UTP14C: variants seen among roughly 807,000 people sequenced by gnomAD.
UTP14C encodes U3 small nucleolar RNA-associated protein 14 homolog C.
Under a neutral mutation model 14.6 loss-of-function variants are expected in UTP14C, and 10 were observed. The ratio of observed to expected loss-of-function variants is 0.68; its 90% CI spans 0.42 to 1.16. The LOEUF is 1.16. Ranked by LOEUF, UTP14C falls within the 50% of genes most tolerant of loss-of-function variation. UTP14C has a pLI of 0.00. For missense variants in UTP14C, 818 were observed against 890.8 expected, an observed-to-expected ratio of 0.92 and a Z score of 1.04; for synonymous variants, 315 against 331.6, an observed-to-expected ratio of 0.95 and a Z score of 0.54.
rs748887500 is a variant in UTP14C at position 52,031,073 on chromosome 13, A to G, written c.2269A>G (p.Thr757Ala). The part of the protein sequence containing the change: ...PVIQRNPKRI[T>A]TRHNKEEKL ...CATACAGAGGAATCCAAAACGAATC[A>G]CCACACGTCACAATAAAGAAGAAAA... The change falls in exon 2 of 2, where the codon ACC (threonine) becomes GCC (alanine). Residue 757 changes from threonine (T) to alanine (A), a missense_variant. Transcript: ENST00000521776. The G allele has an allele frequency of 8.1e-6, 13 of 1,613,502 alleles. No homozygotes were observed. The Admixed American group carries it at 1.3e-4, about 17-fold the overall frequency.
chr13:52,027,207 G>A (rs1182470009), intron 1 of UTP14C, among the ~76,000 whole-genome samples: 1 of 152,074 alleles, frequency 6.6e-6, no homozygotes, highest in Non-Finnish European at 1.5e-5. Flanking sequence ...AAGTAGAGTT[G>A]GTAAGTGCAA....
In UTP14C at chr13:52,024,953, A is replaced by C. The variant is rs1954226061; in HGVS notation, c.-487+16A>C. The C allele has an allele frequency of 6.2e-7, 1 of 1,602,044 alleles. No homozygotes were observed. The highest frequency in any genetic ancestry group is 1.7e-5 in the Admixed American group (1 of 59,998). On this transcript the variant is annotated intron_variant, in intron 1 of 1. Transcript: ENST00000521776. ...TTTGGGATTGGTGAGTTTGGCCTTTAAACAACTTGTTTGGTGCCATGAGAT... is the reference window on the plus strand; with the variant it reads ...TTTGGGATTGGTGAGTTTGGCCTTTCAACAACTTGTTTGGTGCCATGAGAT...
chr13:52,028,233 A>T, intron 1 of UTP14C, 86 bp from the exon 2 acceptor site: 1 of 1,541,950 alleles, frequency 6.5e-7, no homozygotes, highest in Non-Finnish European at 8.9e-7. Context: ...AGTCCCTTAA[A>T]TTTTTTGAAG....
chr13:52,028,462 C>T lies in UTP14C; in HGVS notation c.-343C>T. 1 of 1,614,172 alleles carries T rather than the reference C, an allele frequency of 6.2e-7. No individual in the cohort carries two copies. Among genetic ancestry groups the T allele is most frequent in the Non-Finnish European group, 8.5e-7 (1 of 1,180,030 alleles). On this transcript the variant is annotated 5_prime_UTR_variant, in exon 2 of 2. Transcript: ENST00000521776. ...AGAAGACTATGCTGAAACTATCGCTCACATTCTTTCCATGTCTGCAGAAAA... is the reference window on the plus strand; with the variant it reads ...AGAAGACTATGCTGAAACTATCGCTTACATTCTTTCCATGTCTGCAGAAAA...
Position 52,029,313 on chromosome 13 carries a change from T to C in UTP14C, c.509T>C (p.Ile170Thr), listed in dbSNP as rs996647421. ...LGKEQPAIAP[I>T]EHALSGWKAR... is the part of the protein sequence containing the mutation. Reference sequence around the variant, plus strand: ...AAGGAGCAGCCAGCCATTGCTCCCATTGAACATGCGCTCAGTGGCTGGAAG... The same window carrying C: ...AAGGAGCAGCCAGCCATTGCTCCCACTGAACATGCGCTCAGTGGCTGGAAG... The change falls in exon 2 of 2, where the codon ATT becomes ACT. Residue 170 changes from isoleucine (I) to threonine (T), a missense_variant. By Grantham distance (89) the Ile-to-Thr change is moderately conservative. Coordinates refer to ENST00000521776, the MANE Select transcript of UTP14C (RefSeq NM_021645.6). 3.1e-6 allele frequency: 5 copies of C among 1,614,132 alleles called. No individual in the cohort carries two copies. Among genetic ancestry groups the C allele is most frequent in the African/African-American group, 1.3e-5 (1 of 75,044 alleles).
At chr13:52,026,001 A>T (rs1954236837) in intron 1 of UTP14C, among the ~76,000 whole-genome samples, 1 of 152,144 alleles carries the variant, frequency 6.6e-6, no homozygotes, top group South Asian at 2.1e-4. Context: ...GATGCTAGGG[A>T]TGTGGTGGAG....
chr13:52,029,140 G>C lies in UTP14C; in HGVS notation c.336G>C (p.Lys112Asn), dbSNP rs752620528. Reference protein sequence around the residue: ...VKKQLNRVKSKKVVELPLNKE... With the variant: ...VKKQLNRVKSNKVVELPLNKE... ...AGCAACTGAATAGAGTCAAATCAAAGAAGGTGGTGGAGTTACCTCTTAACA... is the reference window on the plus strand; with the variant it reads ...AGCAACTGAATAGAGTCAAATCAAACAAGGTGGTGGAGTTACCTCTTAACA... Residue 112 changes from lysine (K) to asparagine (N), a missense_variant, in exon 2 of 2, where the codon AAG (lysine) becomes AAC (asparagine). Physicochemically the swap from Lys to Asn is moderately conservative, Grantham distance 94 (BLOSUM62 0). Transcript: ENST00000521776. The C allele has an allele frequency of 1.5e-5, 25 of 1,614,104 alleles. No individual in the cohort carries two copies. The highest frequency in any genetic ancestry group is 1.9e-5 in the Non-Finnish European group (23 of 1,180,044).
rs113815469 is a variant in UTP14C at position 52,028,983 on chromosome 13, T to G, written c.179T>G (p.Leu60Trp). 10 of 1,614,220 alleles carry G rather than the reference T, an allele frequency of 6.2e-6. No individual in the cohort carries two copies. In the African/African-American group the frequency reaches 6.7e-5, roughly 11 times the overall value. Residue 60 changes from leucine to tryptophan, a missense_variant, in exon 2 of 2, where the codon TTG becomes TGG. By Grantham distance (61) the Leu-to-Trp change is moderately conservative. Coordinates refer to ENST00000521776, the MANE Select transcript of UTP14C (RefSeq NM_021645.6). Reference protein sequence around the residue: ...ISLDGKNRRKLAERSEASLKV... With the variant: ...ISLDGKNRRKWAERSEASLKV... ...CTTGATGGAAAGAATAGGCGGAAATTGGCTGAGAGGTCTGAGGCTAGTCTG... is the reference window on the plus strand; with the variant it reads ...CTTGATGGAAAGAATAGGCGGAAATGGGCTGAGAGGTCTGAGGCTAGTCTG...
chr13:52,031,373 AAAG>A lies in UTP14C; in HGVS notation c.*271_*273del, dbSNP rs1954302171. 6 of 459,920 alleles carry A rather than the reference AAAG, an allele frequency of 1.3e-5. No homozygotes were observed. The East Asian group carries it at 2.0e-4, about 15-fold the overall frequency. The allele number at this position is 459,920 out of a possible 1,614,324, so 28.5% of individuals were successfully genotyped here. A position where few individuals can be genotyped will look rare whatever the true frequency, so the allele number is the denominator to read the frequency against. ...GAATATACCTAATGATTTCCTTAAA[AAAG>A]AAATTTTAAACAGACTTGTTTAATC... On this transcript the variant is annotated 3_prime_UTR_variant, in exon 2 of 2. Coordinates refer to ENST00000521776, the MANE Select transcript of UTP14C (RefSeq NM_021645.6).
In UTP14C at chr13:52,030,218, A is replaced by G. The variant is rs1244175835; in HGVS notation, c.1414A>G (p.Arg472Gly). 3 of 1,614,266 alleles carry G rather than the reference A, an allele frequency of 1.9e-6. No homozygotes were observed. Among genetic ancestry groups the G allele is most frequent in the Non-Finnish European group, 2.5e-6 (3 of 1,180,054 alleles). Residue 472 changes from arginine (R) to glycine (G), a missense_variant, in exon 2 of 2, where the codon AGG becomes GGG. Coordinates refer to ENST00000521776, the MANE Select transcript of UTP14C (RefSeq NM_021645.6). ...GAAATTGAAGGAAAAACATCAGTCCAGGAAGCAAAAAGCAAGTTCAGAGGG... is the reference window on the plus strand; with the variant it reads ...GAAATTGAAGGAAAAACATCAGTCCGGGAAGCAAAAAGCAAGTTCAGAGGG... The part of the protein sequence containing the change: ...SQKLKEKHQS[R>G]KQKASSEGTV...
intron 1 of UTP14C, among the ~76,000 whole-genome samples, chr13:52,027,757 A>T (rs1032481287): frequency 6.6e-6 from 1 of 152,244 alleles, no homozygotes; most frequent in Non-Finnish European, 1.5e-5. Flanking sequence ...AGTATGCTTC[A>T]CTTAGGTGAT....
Position 52,029,820 on chromosome 13 carries a change from C to T in UTP14C, c.1016C>T (p.Ala339Val), listed in dbSNP as rs760127347. The stretch of plus-strand genomic sequence containing the variant: ...GAACTGACACAGAAACTCCAGGTAG[C>T]CTCTGAGAGTGAGGAAGAGGAGGGA... ...NKELTQKLQVASESEEEEGGT... is the reference protein window; with the variant it reads ...NKELTQKLQVVSESEEEEGGT... The change falls in exon 2 of 2, where the codon GCC becomes GTC. Residue 339 changes from alanine to valine, a missense_variant. By Grantham distance (64) the Ala-to-Val change is moderately conservative. Transcript: ENST00000521776. The T allele has an allele frequency of 3.7e-6, 6 of 1,614,176 alleles. No individual in the cohort carries two copies. Among genetic ancestry groups the T allele is most frequent in the South Asian group, 3.3e-5 (3 of 91,080 alleles).
chr13:52,026,934 T>G (rs1218715674), intron 1 of UTP14C, among the ~76,000 whole-genome samples: 2 of 152,050 alleles, frequency 1.3e-5, no homozygotes, highest in African/African-American at 4.8e-5. Context: ...AGGCTCTCAG[T>G]ACAAAATGCA....
chr13:52,031,349 A>C lies in UTP14C; in HGVS notation c.*244A>C, dbSNP rs1403691386. The C allele has an allele frequency of 7.3e-6, 4 of 544,662 alleles. No homozygotes were observed. Among genetic ancestry groups the C allele is most frequent in the Non-Finnish European group, 1.3e-5 (4 of 315,554 alleles). The allele number at this position is 544,662 out of a possible 1,614,324, so 33.7% of individuals were successfully genotyped here. Reference sequence around the variant, plus strand: ...AACAATACAGTGGATGACCCTTTTGAATATACCTAATGATTTCCTTAAAAA... The same window carrying C: ...AACAATACAGTGGATGACCCTTTTGCATATACCTAATGATTTCCTTAAAAA... On this transcript the variant is annotated 3_prime_UTR_variant, in exon 2 of 2. Transcript: ENST00000521776.
rs749396341 is a variant in UTP14C, at chr13:52,029,563, A to G, written c.759A>G (p.Lys253=). The part of the protein sequence containing the change: ...EKKIKSKKYH[K]VVKKGKAKKA... Reference sequence around the variant, plus strand: ...AAATCAAAAGTAAAAAGTATCACAAAGTCGTGAAGAAAGGAAAGGCCAAGA... The same window carrying G: ...AAATCAAAAGTAAAAAGTATCACAAGGTCGTGAAGAAAGGAAAGGCCAAGA... The change falls in exon 2 of 2, where the codon AAA becomes AAG. Residue 253 remains lysine, a synonymous_variant. Transcript: ENST00000521776. 1.9e-6 allele frequency: 3 copies of G among 1,614,112 alleles called. No homozygotes were observed. The highest frequency in any genetic ancestry group is 2.5e-6 in the Non-Finnish European group (3 of 1,180,056).
Position 52,029,980 on chromosome 13 carries a change from G to A in UTP14C, c.1176G>A (p.Glu392=). The change falls in exon 2 of 2, where the codon GAG becomes GAA. Residue 392 remains glutamate, a synonymous_variant. Coordinates refer to ENST00000521776, the MANE Select transcript of UTP14C (RefSeq NM_021645.6). ...TKEAATQEDP[E]QVPELAAHEV... is the part of the protein sequence containing the mutation. Reference sequence around the variant, plus strand: ...AGGCTGCAACACAGGAGGACCCTGAGCAAGTGCCAGAGCTTGCAGCTCATG... The same window carrying A: ...AGGCTGCAACACAGGAGGACCCTGAACAAGTGCCAGAGCTTGCAGCTCATG... The A allele has an allele frequency of 6.2e-7, 1 of 1,614,264 alleles. No individual in the cohort carries two copies. The highest frequency in any genetic ancestry group is 1.6e-4 in the Middle Eastern group (1 of 6,062).
rs1175995992 is a variant in UTP14C at position 52,029,109 on chromosome 13, T to TA, written c.311dup (p.Gln105AlafsTer4). 2 of 1,614,136 alleles carry TA rather than the reference T, an allele frequency of 1.2e-6. No individual in the cohort carries two copies. The highest frequency in any genetic ancestry group is 2.2e-5 in the East Asian group (1 of 44,886). ...AAAACTTCATCTTCTTTGGCCACTG[T>TA]AAAAAAGCAACTGAATAGAGTCAAA... On this transcript the variant is annotated frameshift_variant, in exon 2 of 2. Transcript: ENST00000521776. LOFTEE classifies it low-confidence loss of function (END_TRUNC).
chr13:52,028,512 T>C lies in UTP14C; in HGVS notation c.-293T>C. ...AGAGACTCCAAATCAGAAAAAGTGC[T>C]CGTGCATCTGTAAGCAGATTCTCTG... is the stretch of plus-strand genomic sequence containing the variant. On this transcript the variant is annotated 5_prime_UTR_variant, in exon 2 of 2. Transcript: ENST00000521776. 2 of 1,614,234 alleles carry C rather than the reference T, an allele frequency of 1.2e-6. No homozygotes were observed. Among genetic ancestry groups the C allele is most frequent in the African/African-American group, 1.3e-5 (1 of 75,072 alleles).
At chr13:52,027,458 C>T (rs1241378043) in intron 1 of UTP14C, among the ~76,000 whole-genome samples, 1 of 152,152 alleles carries the variant, frequency 6.6e-6, no homozygotes, top group Non-Finnish European at 1.5e-5. Context: ...AGGGATTTCA[C>T]CAGTTCTAAA....
Sources: allele counts gnomAD v4.1 joint callset (sites outside exome capture counted in the v4.1 genomes callset), GRCh38; gene constraint gnomAD v4.1.1; transcripts MANE v1.5; gene names NCBI Gene and HGNC (gene_info 2026-07-23, HGNC 2026-07-21).